Variants in MKS1 observed in about 807,000 individuals in gnomAD.
MKS1 encodes MKS transition zone complex subunit 1.
In MKS1, 70 loss-of-function variants were observed where a neutral mutation model predicts 83.7. The observed-to-expected ratio is 0.84, with a 90% CI of 0.69 to 1.02. The LOEUF is 1.02. Ranked by LOEUF, MKS1 falls within the 50% of genes least tolerant of loss-of-function variation. MKS1 has a pLI of 0.00. For missense variants in MKS1, 681 were observed against 726.9 expected (o/e 0.94, Z 0.73); for synonymous variants, 251 against 273.4 (o/e 0.92, Z 0.81).
rs895885257 is a variant in MKS1, at chr17:58,209,183, G to A, written c.1025-600C>T. Among the ~76,000 whole-genome samples the A allele has an allele frequency of 1.1e-3, 164 of 152,108 alleles. No individual in the cohort carries two copies. Among genetic ancestry groups the A allele is most frequent in the African/African-American group, 3.7e-3 (154 of 41,472 alleles). ...CATTCTCAATGGTCGCTGTCTCTTC[G>A]GAGCTGTTGGGTACACCTCCCAGAT... On this transcript the variant is annotated intron_variant, in intron 11 of 17. Transcript: ENST00000393119. This position sits in a 1 kb window ranked among gnomAD's most constrained non-coding sequence, Gnocchi z 4.1.
chr17:58,211,195 C>G (rs1429453931), intron 9 of MKS1, 173 bp from the exon 10 acceptor site: 2 of 643,988 alleles, frequency 3.1e-6, no homozygotes, highest in South Asian at 3.5e-5. Context: ...TTCCTTCATT[C>G]CTAAGATTCA....
rs765779819 is a variant in MKS1, at chr17:58,214,715, G to C, written c.515+26C>G. 4 of 1,594,712 alleles carry C rather than the reference G, an allele frequency of 2.5e-6. No individual in the cohort carries two copies. In the African/African-American group the frequency reaches 4.0e-5, roughly 16 times the overall value. On this transcript the variant is annotated intron_variant, in intron 5 of 17. Transcript: ENST00000393119. ...TTTAGGAAATAAAAAGTAAAAGCTT[G>C]TCCCCCATCCCATGCCCGCACTCAC...
chr17:58,215,280 T>A (rs1328641609), intron 4 of MKS1, among the ~76,000 whole-genome samples: 1 of 152,200 alleles, frequency 6.6e-6, no homozygotes. Flanking sequence ...TTATATATTT[T>A]TTTAAGAGAC....
chr17:58,206,367 A>T lies in MKS1; in HGVS notation c.1504T>A (p.Ser502Thr). Residue 502 changes from serine to threonine, a missense_variant, in exon 17 of 18, where the codon TCG (serine) becomes ACG (threonine). Transcript: ENST00000393119. The stretch of plus-strand genomic sequence containing the variant: ...CGCATCCTTTTCTGAAGGGAGCTCG[A>T]TTCCATGAAGGCCCTGCAGGGAGGC... The part of the protein sequence containing the change: ...CLQQSRAFME[S>T]SSLQKRMRSV... 6.2e-7 allele frequency: 1 copy of T among 1,614,042 alleles called. No homozygotes were observed. Among genetic ancestry groups the T allele is most frequent in the East Asian group, 2.2e-5 (1 of 44,830 alleles).
chr17:58,207,313 A>C lies in MKS1; in HGVS notation c.1274-95T>G. On this transcript the variant is annotated intron_variant, in intron 14 of 17. Transcript: ENST00000393119. The stretch of plus-strand genomic sequence containing the variant: ...AATGACACAGGCCTAGACTCAGCTA[A>C]AACACCTGGTCTGGTGATGACCTGG... 5 of 1,551,574 alleles carry C rather than the reference A, an allele frequency of 3.2e-6. No individual in the cohort carries two copies. The South Asian group carries it at 5.6e-5, about 17-fold the overall frequency.
At chr17:58,207,643 C>T (rs1351790215) in intron 14 of MKS1, 7 of 587,826 alleles carry the variant, frequency 1.2e-5, no homozygotes, top group Non-Finnish European at 2.1e-5. Context: ...TTTTGCCATA[C>T]AGCTTCTCAC....
In MKS1 at chr17:58,205,538, C is replaced by G. The variant is rs1006760371; in HGVS notation, c.*541G>C. On this transcript the variant is annotated 3_prime_UTR_variant, in exon 18 of 18. Coordinates refer to ENST00000393119, the MANE Select transcript of MKS1 (RefSeq NM_017777.4). The stretch of plus-strand genomic sequence containing the variant: ...CCCAGCTAGCAGAAAGGACTCAGCA[C>G]TGCCTTCAGCCTTCACTTACTCAGA... 7.7e-7 allele frequency: 1 copy of G among 1,303,940 alleles called. No individual in the cohort carries two copies. 80.8% of individuals were successfully genotyped at this position (1,303,940 alleles called of 1,614,324 possible).
intron 11 of MKS1, among the ~76,000 whole-genome samples, chr17:58,210,069 G>A (rs950063712): frequency 1.3e-5 from 2 of 152,224 alleles, no homozygotes; most frequent in African/African-American, 2.4e-5. Context: ...CTCAGTAGAT[G>A]ACACTGCCAT....
At position 58,208,104 on chromosome 17, in the gene MKS1, C is replaced by G; in HGVS notation, c.1165+1G>C. On this transcript the variant is annotated splice_donor_variant, in intron 13 of 17. Coordinates refer to ENST00000393119, the MANE Select transcript of MKS1 (RefSeq NM_017777.4). LOFTEE classifies it high-confidence loss of function. ...CCAGGATCAACTGCTGAGCTACTCA[C>G]CAGAAGATTCATCCTCATGGAGGAA... 6.2e-7 allele frequency: 1 copy of G among 1,612,718 alleles called. No individual in the cohort carries two copies. Among genetic ancestry groups the G allele is most frequent in the Non-Finnish European group, 8.5e-7 (1 of 1,178,812 alleles).
In MKS1 at chr17:58,213,078, C is replaced by T. The variant is rs748670448; in HGVS notation, c.762G>A (p.Glu254=). Reference sequence around the variant, plus strand: ...ATTTCCACAGCTCCTGCTTCTCCCCCTCCGTCTCAATCCTGTAAGGTCAAA... The same window carrying T: ...ATTTCCACAGCTCCTGCTTCTCCCCTTCCGTCTCAATCCTGTAAGGTCAAA... ...GLKGPYRIET[E]GEKQELWKYT... Residue 254 remains glutamate (E), a synonymous_variant, in exon 8 of 18, where the codon GAG becomes GAA. Coordinates refer to ENST00000393119, the MANE Select transcript of MKS1 (RefSeq NM_017777.4). 1.9e-6 allele frequency: 3 copies of T among 1,614,178 alleles called. No homozygotes were observed. The highest frequency in any genetic ancestry group is 2.5e-6 in the Non-Finnish European group (3 of 1,180,036).
At position 58,212,989 on chromosome 17, in the gene MKS1, A is replaced by G; in HGVS notation, c.851T>C (p.Phe284Ser). The change falls in exon 8 of 18, where the codon TTC (phenylalanine) becomes TCC (serine). Residue 284 changes from phenylalanine to serine, a missense_variant. By Grantham distance (155) the Phe-to-Ser change is radical (BLOSUM62 -2). Transcript: ENST00000393119. ...GAATGAACTTGCGCTTACATCCTTG[A>G]ACACTCGCCGTTCCCGCTCCTCCTC... is the stretch of plus-strand genomic sequence containing the variant. ...PEEEERERRV[F>S]KDLYGRHKEY... is the part of the protein sequence containing the mutation. The G allele has an allele frequency of 3.7e-6, 6 of 1,614,064 alleles. No individual in the cohort carries two copies. Among genetic ancestry groups the G allele is most frequent in the Non-Finnish European group, 5.1e-6 (6 of 1,179,968 alleles).
intron 4 of MKS1, 150 bp downstream of exon 4, chr17:58,215,938 C>G (rs1414417905): frequency 2.4e-5 from 23 of 948,902 alleles, no homozygotes; most frequent in Non-Finnish European, 5.0e-6. Context: ...CTATTCCAGG[C>G]TGGCTGCCAG....
rs1433246297 is a variant in MKS1, at chr17:58,210,314, A to G, written c.1024+345T>C. ...GAAGACTGCAGACAGAGAGTAACAG[A>G]AGGCCTTGGCTTAGCTGTGGGTACT... On this transcript the variant is annotated intron_variant, in intron 11 of 17. Transcript: ENST00000393119. Among the ~76,000 whole-genome samples the G allele has an allele frequency of 9.9e-5, 15 of 152,170 alleles. 1 individual carries two copies. Among genetic ancestry groups the G allele is most frequent in the Admixed American group, 9.8e-4 (15 of 15,270 alleles).
intron 2 of MKS1, among the ~76,000 whole-genome samples, chr17:58,217,842 TA>T (rs1040351933): frequency 9.2e-5 from 14 of 152,094 alleles, no homozygotes; most frequent in Non-Finnish European, 1.6e-4. Context: ...AAAACAAATC[TA>T]ATCTAATACA....
At chr17:58,216,038 A>C (rs764832506) in intron 4 of MKS1, 50 bp downstream of exon 4, 4 of 1,604,838 alleles carry the variant, frequency 2.5e-6, no homozygotes, top group Non-Finnish European at 3.4e-6. Flanking sequence ...GAGGCAAAAA[A>C]GCTAGAGGAA....
At chr17:58,207,849 G>A (rs968544204) in intron 14 of MKS1, 45 bp downstream of exon 14, 1 of 1,514,282 alleles carries the variant, frequency 6.6e-7, no homozygotes, top group South Asian at 1.1e-5. Flanking sequence ...TTGTTCTTAG[G>A]GCCTAGGGCA....
chr17:58,219,129 G>C (rs759858978), intron 1 of MKS1, 22 bp downstream of exon 1: 2 of 1,550,534 alleles, frequency 1.3e-6, no homozygotes, highest in South Asian at 2.4e-5. Context: ...ATGGGGCCTC[G>C]GGGCTGGGGC....
At chr17:58,217,110 C>A (rs887246446) in intron 2 of MKS1, among the ~76,000 whole-genome samples, 1 of 152,260 alleles carries the variant, frequency 6.6e-6, no homozygotes, top group Non-Finnish European at 1.5e-5. Flanking sequence ...CTGCCTCAGC[C>A]TCCCAAGTAG....
chr17:58,210,538 A>T (rs1968811415), intron 11 of MKS1, 121 bp downstream of exon 11: 4 of 1,016,672 alleles, frequency 3.9e-6, no homozygotes, highest in South Asian at 3.9e-5. Flanking sequence ...AGTGGATGTG[A>T]TCTATGACCT....
Sources: gnomAD v4.1 joint callset for allele counts (sites outside exome capture counted in the v4.1 genomes callset) on GRCh38, gnomAD v4.1.1 for gene constraint, Gnocchi (gnomAD v3.1) non-coding constraint, MANE v1.5 for transcripts, NCBI Gene and HGNC (gene_info 2026-07-23, HGNC 2026-07-21) for gene names.